LRMDA: variants seen among roughly 807,000 people sequenced by gnomAD.
LRMDA encodes the protein leucine-rich melanocyte differentiation-associated protein.
LRMDA carries 18 observed loss-of-function variants against 29.8 expected under a neutral mutation model. The ratio of observed to expected loss-of-function variants is 0.60; its 90% CI spans 0.42 to 0.90. The LOEUF is 0.90. Ranked by LOEUF, LRMDA falls within the 40% of genes least tolerant of loss-of-function variation. LRMDA has a pLI of 0.00. For missense variants in LRMDA, 273 were observed against 273.9 expected, an observed-to-expected ratio of 1.00 and a Z score of 0.02; for synonymous variants, 125 against 109.4, an observed-to-expected ratio of 1.14 and a Z score of -0.89.
chr10:75,877,511 G>A (rs549061199), intron 2 of LRMDA, among the ~76,000 whole-genome samples: 1 of 152,336 alleles, frequency 6.6e-6, no homozygotes, highest in South Asian at 2.1e-4. Flanking sequence ...TGTGTTTGTA[G>A]CTCCACACCT....
At chr10:75,985,650 G>A (rs572836319) in intron 2 of LRMDA, among the ~76,000 whole-genome samples, 1 of 152,370 alleles carries the variant, frequency 6.6e-6, no homozygotes, top group East Asian at 1.9e-4. Flanking sequence ...CAGTCTGTGA[G>A]AGATGACACC....
At chr10:76,058,886 G>A (rs1848659708) in intron 5 of LRMDA, 103 bp downstream of exon 5, 1 of 893,686 alleles carries the variant, frequency 1.1e-6, no homozygotes, top group Admixed American at 1.9e-5. Flanking sequence ...GAATGCAGTT[G>A]GAATCTCACA....
intron 2 of LRMDA, among the ~76,000 whole-genome samples, chr10:75,466,195 A>G (rs1195171406): frequency 1.3e-5 from 2 of 152,238 alleles, no homozygotes; most frequent in Non-Finnish European, 2.9e-5. Flanking sequence ...ATTGTGCGTC[A>G]GGAAGGGTTG....
At chr10:76,448,462 C>T (rs184534639) in intron 6 of LRMDA, among the ~76,000 whole-genome samples, 82 of 152,166 alleles carry the variant, frequency 5.4e-4, no homozygotes, top group Non-Finnish European at 9.4e-4. Flanking sequence ...GATCCAAATA[C>T]GCTATTTCCA....
intron 2 of LRMDA, among the ~76,000 whole-genome samples, chr10:75,455,698 C>A (rs1844507610): frequency 1.3e-5 from 2 of 152,204 alleles, no homozygotes; most frequent in Non-Finnish European, 2.9e-5. Context: ...ACCTTATGTA[C>A]ACACAGGATA....
rs189029412 is a variant in LRMDA, at chr10:76,176,569, G to A, written c.516+117786G>A. 1.2e-3 allele frequency among the ~76,000 whole-genome samples: 182 copies of A among 152,272 alleles called. 1 individual carries two copies. The highest frequency in any genetic ancestry group is 4.2e-3 in the African/African-American group (175 of 41,562). Reference sequence around the variant, plus strand: ...AGCACTTTGCGAGATTGAGGCGGGCGGATCACCTGAGTTCAGGAGTTCGAG... The same window carrying A: ...AGCACTTTGCGAGATTGAGGCGGGCAGATCACCTGAGTTCAGGAGTTCGAG... On this transcript the variant is annotated intron_variant, in intron 5 of 6. Coordinates refer to ENST00000611255, the MANE Select transcript of LRMDA (RefSeq NM_001305581.2).
chr10:75,901,522 A>G (rs1453072801), intron 2 of LRMDA, among the ~76,000 whole-genome samples: 1 of 152,192 alleles, frequency 6.6e-6, no homozygotes. Context: ...CAAATAATAC[A>G]ACTTGTGACA....
chr10:75,822,312 A>G (rs562255207), intron 2 of LRMDA, among the ~76,000 whole-genome samples: 1 of 152,316 alleles, frequency 6.6e-6, no homozygotes, highest in East Asian at 1.9e-4. Context: ...AAGAAATCAT[A>G]GATGACACAA....
chr10:76,018,260 A>G (rs61862698), intron 2 of LRMDA, among the ~76,000 whole-genome samples: 8,017 of 152,294 alleles, frequency 0.053, 293 homozygotes, highest in South Asian at 0.1. Context: ...CCTGTCCTGC[A>G]TATTGTATGA....
At chr10:76,293,901 A>C (rs578240214) in intron 5 of LRMDA, among the ~76,000 whole-genome samples, 1 of 152,306 alleles carries the variant, frequency 6.6e-6, no homozygotes, top group Non-Finnish European at 1.5e-5. Flanking sequence ...ACTCAGTCAT[A>C]ATTAAACAGT....
At chr10:76,527,132 T>A (rs1275253141) in intron 6 of LRMDA, among the ~76,000 whole-genome samples, 3 of 151,450 alleles carry the variant, frequency 2.0e-5, no homozygotes, top group African/African-American at 7.3e-5. Flanking sequence ...TTCTCTCTAA[T>A]GCCATGTTTC....
At chr10:75,579,757 C>A (rs1337285065) in intron 2 of LRMDA, among the ~76,000 whole-genome samples, 1 of 152,162 alleles carries the variant, frequency 6.6e-6, no homozygotes. Flanking sequence ...GGATGCAAGG[C>A]TAGTTCAACA....
At chr10:75,569,161 TTCTC>T (rs1840407372) in intron 2 of LRMDA, among the ~76,000 whole-genome samples, 1 of 152,186 alleles carries the variant, frequency 6.6e-6, no homozygotes, top group Non-Finnish European at 1.5e-5. Flanking sequence ...TTTTCTCTCT[TTCTC>T]TGTATTGTCA....
chr10:76,470,446 C>G (rs1433576624), intron 6 of LRMDA: 1 of 152,088 alleles, frequency 6.6e-6, no homozygotes, highest in African/African-American at 2.4e-5. Flanking sequence ...TACTTGTACA[C>G]CTATGTTCAT....
intron 6 of LRMDA, among the ~76,000 whole-genome samples, chr10:76,544,075 A>G (rs1199483923): frequency 2.0e-5 from 3 of 152,138 alleles, no homozygotes; most frequent in South Asian, 2.1e-4. Flanking sequence ...TCTAATATCC[A>G]TAGAGTCTTG....
Position 75,445,224 on chromosome 10 carries a change from GCCA to G in LRMDA, c.131+6734_131+6736del, listed in dbSNP as rs1305447390. 3.3e-5 allele frequency among the ~76,000 whole-genome samples: 5 copies of G among 152,294 alleles called. No homozygotes were observed. The East Asian group carries it at 9.6e-4, about 29-fold the overall frequency. ...CAAAGTGCTGGGATTACAGGCATGAGCCACCATGCCCAGCCTGTATCACAATTG... is the reference window on the plus strand; with the variant it reads ...CAAAGTGCTGGGATTACAGGCATGAGCCATGCCCAGCCTGTATCACAATTG... On this transcript the variant is annotated intron_variant, in intron 2 of 6. Coordinates refer to ENST00000611255, the MANE Select transcript of LRMDA (RefSeq NM_001305581.2).
At position 75,493,348 on chromosome 10, in the gene LRMDA, GGTGTGT is replaced by G. The variant is rs3220724; in HGVS notation, c.131+54890_131+54895del. Among the ~76,000 whole-genome samples, 148 of 133,350 alleles carry G rather than the reference GGTGTGT, an allele frequency of 1.1e-3. 2 individuals carry two copies. Among genetic ancestry groups the G allele is most frequent in the East Asian group, 3.8e-3 (17 of 4,508 alleles). The allele number at this position is 133,350 out of a possible 152,430, so 87.5% of individuals were successfully genotyped here. A position where few individuals can be genotyped will look rare whatever the true frequency, so the allele number is the denominator to read the frequency against. The stretch of plus-strand genomic sequence containing the variant: ...AGAGAGCCATAGAGGGTTGAGATTG[GGTGTGT>G]GTGTGTGTGTGTGTGTGTGTGTGTG... On this transcript the variant is annotated intron_variant, in intron 2 of 6. Coordinates refer to ENST00000611255, the MANE Select transcript of LRMDA (RefSeq NM_001305581.2).
intron 2 of LRMDA, among the ~76,000 whole-genome samples, chr10:75,569,828 T>A (rs902406949): frequency 2.6e-5 from 4 of 152,238 alleles, no homozygotes; most frequent in Non-Finnish European, 5.9e-5. Context: ...TGAGGTGAGC[T>A]GTGCTCAGCT....
chr10:75,644,971 G>A (rs1044330193), intron 2 of LRMDA, among the ~76,000 whole-genome samples: 1 of 144,374 alleles, frequency 6.9e-6, no homozygotes, highest in African/African-American at 2.5e-5. Flanking sequence ...TGCTTTCTCT[G>A]TGTTACTTAT....
Sources: gnomAD v4.1 joint callset for allele counts (sites outside exome capture counted in the v4.1 genomes callset) on GRCh38, gnomAD v4.1.1 for gene constraint, MANE v1.5 for transcripts, NCBI Gene and HGNC (gene_info 2026-07-23, HGNC 2026-07-21) for gene names.